Variants in TSC22D3 observed in about 807,000 individuals in gnomAD.
TSC22D3 encodes the protein TSC22 domain family protein 3.
In TSC22D3, 4 loss-of-function variants were observed where a neutral mutation model predicts 11.1. That is an observed-to-expected ratio of 0.36 (90% CI 0.18 to 0.83). The LOEUF is 0.83. TSC22D3 is among the 40% of genes least tolerant of loss of function. TSC22D3 has a pLI of 0.48. For synonymous variants in TSC22D3, 77 were observed against 70.3 expected (o/e 1.10, Z -0.48); for missense variants, 118 against 159.4 (o/e 0.74, Z 1.40).
chrX:107,771,009 C>T (rs1347894283), intron 1 of TSC22D3, among the ~76,000 whole-genome samples: 2 of 112,266 alleles, frequency 1.8e-5, no homozygotes, highest in Non-Finnish European at 3.8e-5. Context: ...AGTTTGAGCA[C>T]AGGCAGTCCT....
chrX:107,728,220 T>C (rs1160029343), intron 1 of TSC22D3, among the ~76,000 whole-genome samples: 1 of 111,927 alleles, frequency 8.9e-6, no homozygotes, highest in Non-Finnish European at 1.9e-5. Context: ...TGGAGAACTA[T>C]AGGCACATTC....
intron 1 of TSC22D3, among the ~76,000 whole-genome samples, chrX:107,723,228 C>T (rs906111867): frequency 8.9e-6 from 1 of 111,796 alleles, no homozygotes; most frequent in Non-Finnish European, 1.9e-5. Flanking sequence ...GGATCTACCA[C>T]TCCTTTAACA....
intron 1 of TSC22D3, among the ~76,000 whole-genome samples, chrX:107,772,002 G>A (rs7883435): frequency 0.11 from 12,613 of 112,281 alleles, 1,736 homozygotes; most frequent in African/African-American, 0.39. Flanking sequence ...TCATCCAACT[G>A]AAGAAACCTT....
intron 1 of TSC22D3, among the ~76,000 whole-genome samples, chrX:107,747,334 A>C (rs769746662): frequency 1.8e-5 from 2 of 112,280 alleles, no homozygotes; most frequent in East Asian, 5.6e-4. Flanking sequence ...AACTGGGAAA[A>C]GGACTTTTGG....
Position 107,714,546 on chromosome X carries a change from G to C in TSC22D3, c.576C>G (p.Pro192=). The change falls in exon 3 of 3, where the codon CCC becomes CCG. Residue 192 remains proline, a synonymous_variant. Transcript: ENST00000372383. Reference sequence around the variant, plus strand: ...ACACCGCAGAACCACCAGGGGCCTCGGGCACTTGTGGGGATTCGGGAGCTG... The same window carrying C: ...ACACCGCAGAACCACCAGGGGCCTCCGGCACTTGTGGGGATTCGGGAGCTG... ...EEPAPESPQV[P]EAPGGSAV 8.3e-7 allele frequency: 1 copy of C among 1,211,129 alleles called. No homozygotes were observed. Among genetic ancestry groups the C allele is most frequent in the Non-Finnish European group, 1.1e-6 (1 of 895,185 alleles).
chrX:107,737,874 G>T (rs977451761), intron 1 of TSC22D3, among the ~76,000 whole-genome samples: 2 of 112,128 alleles, frequency 1.8e-5, no homozygotes, highest in African/African-American at 6.5e-5. Context: ...GCAAAGAGAT[G>T]TGAATTTAGG....
chrX:107,751,818 A>G (rs1446948328), intron 1 of TSC22D3, among the ~76,000 whole-genome samples: 1 of 112,303 alleles, frequency 8.9e-6, no homozygotes, highest in East Asian at 2.8e-4. Flanking sequence ...CCTGCGTGGT[A>G]TGATTTGAGG....
At chrX:107,772,108 G>A (rs778323685) in intron 1 of TSC22D3, among the ~76,000 whole-genome samples, 1 of 111,960 alleles carries the variant, frequency 8.9e-6, no homozygotes, top group South Asian at 3.8e-4. Flanking sequence ...GTGTTCCAAG[G>A]AAACCAAGAA....
intron 1 of TSC22D3, among the ~76,000 whole-genome samples, chrX:107,749,373 T>C (rs748774767): frequency 9.1e-6 from 1 of 110,171 alleles, no homozygotes; most frequent in East Asian, 2.8e-4. Flanking sequence ...AGACTCTGTC[T>C]CAAAAAAAGA....
At chrX:107,720,092 G>T (rs1006629008) in intron 1 of TSC22D3, among the ~76,000 whole-genome samples, 16 of 110,243 alleles carry the variant, frequency 1.5e-4, no homozygotes, top group African/African-American at 4.6e-4. Flanking sequence ...TGAGTTCCTG[G>T]AGCCCCACTC....
rs777325067 is a variant in TSC22D3 at position 107,775,453 on chromosome X, G to A, written c.-34C>T. The A allele has an allele frequency of 1.8e-6, 2 of 1,123,538 alleles. No homozygotes were observed. The highest frequency in any genetic ancestry group is 2.4e-6 in the Non-Finnish European group (2 of 845,534). The allele number at this position is 1,123,538 out of a possible 1,213,427, so 92.6% of individuals were successfully genotyped here. On this transcript the variant is annotated 5_prime_UTR_variant, in exon 1 of 3. Transcript: ENST00000372383. ...GCTCGGAGGTCGCCTGGCCTGCGAG[G>A]TCAGGGGCGGCTGGCAGGTGCGCGC... is the stretch of plus-strand genomic sequence containing the variant.
At position 107,769,421 on chromosome X, in the gene TSC22D3, T is replaced by G. The variant is rs146806537; in HGVS notation, c.320+5679A>C. Among the ~76,000 whole-genome samples the G allele has an allele frequency of 7.8e-4, 87 of 111,869 alleles. 1 individual carries two copies. The East Asian group carries it at 0.021, about 26-fold the overall frequency. Reference sequence around the variant, plus strand: ...TGTATGATTCAATTTATATGAAATATCTAAATAGGCAAATCCATAGAGACA... The same window carrying G: ...TGTATGATTCAATTTATATGAAATAGCTAAATAGGCAAATCCATAGAGACA... On this transcript the variant is annotated intron_variant, in intron 1 of 2. Coordinates refer to ENST00000372383, the MANE Select transcript of TSC22D3 (RefSeq NM_198057.3).
intron 1 of TSC22D3, among the ~76,000 whole-genome samples, chrX:107,745,687 T>G (rs1928617092): frequency 8.9e-6 from 1 of 112,618 alleles, no homozygotes; most frequent in Non-Finnish European, 1.9e-5. Context: ...GACTGAGAAT[T>G]TAGCTAATAT....
intron 1 of TSC22D3, among the ~76,000 whole-genome samples, chrX:107,766,840 C>T (rs750290063): frequency 1.8e-5 from 2 of 110,494 alleles, no homozygotes; most frequent in South Asian, 7.7e-4. Context: ...ATGCCTGTCC[C>T]CAGGGAAGCC....
At chrX:107,769,715 T>TCACACACACACACACACACA (rs748668681) in intron 1 of TSC22D3, among the ~76,000 whole-genome samples, 38 of 101,520 alleles carry the variant, frequency 3.7e-4, no homozygotes, top group African/African-American at 1.4e-3. Context: ...TCTTTCTCTT[T>TCACACACACACACACACACA]CACACACACA....
chrX:107,717,636 T>G (rs1266860592), intron 1 of TSC22D3, among the ~76,000 whole-genome samples: 1 of 112,794 alleles, frequency 8.9e-6, no homozygotes, highest in Non-Finnish European at 1.9e-5. Flanking sequence ...GTGGGAGTAC[T>G]TGTCTGTGGA....
intron 1 of TSC22D3, among the ~76,000 whole-genome samples, chrX:107,742,717 T>C (rs1371626896): frequency 9.0e-6 from 1 of 111,583 alleles, no homozygotes; most frequent in African/African-American, 3.3e-5. Context: ...ATGGCAAGTC[T>C]GCCTGCCCCC....
chrX:107,737,263 T>C (rs953873374), intron 1 of TSC22D3, among the ~76,000 whole-genome samples: 1 of 111,668 alleles, frequency 9.0e-6, no homozygotes, highest in African/African-American at 3.3e-5. Flanking sequence ...CCCCAGGCAA[T>C]GTTATTCAGA....
intron 1 of TSC22D3, chrX:107,721,833 A>G (rs1927344827): frequency 2.1e-6 from 1 of 486,121 alleles, no homozygotes; most frequent in Non-Finnish European, 3.8e-6. Context: ...CTCCATCTGA[A>G]GCACTGTCTA....
Sources: allele counts gnomAD v4.1 joint callset (sites outside exome capture counted in the v4.1 genomes callset), GRCh38; gene constraint gnomAD v4.1.1; transcripts MANE v1.5; gene names NCBI Gene and HGNC (gene_info 2026-07-23, HGNC 2026-07-21).